IQCK: variants seen among roughly 807,000 people sequenced by gnomAD.
The protein encoded by IQCK is IQ motif containing K.
A neutral mutation model predicts 28.1 loss-of-function variants in IQCK; 29 were observed. The observed-to-expected ratio is 1.03, with a 90% CI of 0.77 to 1.41. IQCK has a LOEUF of 1.41. IQCK is among the 40% of genes most tolerant of loss of function. IQCK has a pLI of 0.00. For missense variants in IQCK, 359 were observed against 314.7 expected, an observed-to-expected ratio of 1.14 and a Z score of -1.07; for synonymous variants, 113 against 115.1, an observed-to-expected ratio of 0.98 and a Z score of 0.12.
intron 9 of IQCK, among the ~76,000 whole-genome samples, chr16:19,848,543 G>T (rs970388078): frequency 1.1e-4 from 16 of 152,166 alleles, no homozygotes; most frequent in African/African-American, 3.9e-4. Context: ...CAGCAATTCA[G>T]CTTATATTCC....
At chr16:19,747,003 G>A (rs2054921120) in intron 4 of IQCK, among the ~76,000 whole-genome samples, 1 of 152,182 alleles carries the variant, frequency 6.6e-6, no homozygotes, top group African/African-American at 2.4e-5. Flanking sequence ...CATTGGTCAG[G>A]CATCGTGGCT....
At chr16:19,779,045 C>T (rs951537008) in intron 6 of IQCK, among the ~76,000 whole-genome samples, 4 of 152,134 alleles carry the variant, frequency 2.6e-5, no homozygotes, top group African/African-American at 9.7e-5. Context: ...TGCAGTGGTG[C>T]GATCATAGCT....
chr16:19,765,493 G>A (rs186693102), intron 6 of IQCK, among the ~76,000 whole-genome samples: 1 of 151,992 alleles, frequency 6.6e-6, no homozygotes, highest in African/African-American at 2.4e-5. Context: ...AGCCGAGATC[G>A]CACCACTGTA....
chr16:19,750,827 A>T (rs1243671630), intron 4 of IQCK, among the ~76,000 whole-genome samples: 1 of 152,198 alleles, frequency 6.6e-6, no homozygotes, highest in Non-Finnish European at 1.5e-5. Flanking sequence ...ACAATGAAAG[A>T]TAACAATTGA....
intron 6 of IQCK, among the ~76,000 whole-genome samples, chr16:19,779,173 G>C (rs1335094883): frequency 6.6e-6 from 1 of 152,136 alleles, no homozygotes; most frequent in Non-Finnish European, 1.5e-5. Context: ...AAAAAGATCA[G>C]TCCGGCAGCT....
chr16:19,742,474 A>C (rs1290158940), intron 4 of IQCK, among the ~76,000 whole-genome samples: 1 of 150,392 alleles, frequency 6.6e-6, no homozygotes, highest in African/African-American at 2.5e-5. Flanking sequence ...TGATCTGCAC[A>C]ACAGATTCAC....
rs182622150 is a variant in IQCK, at chr16:19,791,716, T to C, written c.690+2794T>C. On this transcript the variant is annotated intron_variant, in intron 7 of 7. Coordinates refer to ENST00000564186, the Ensembl canonical transcript of IQCK. The stretch of plus-strand genomic sequence containing the variant: ...GCTGCCATATAAACAGATGTCAAAG[T>C]GGCTCGAAATTTAACTGTGGCTATA... Among the ~76,000 whole-genome samples the C allele has an allele frequency of 1.3e-3, 192 of 142,498 alleles. 2 individuals carry two copies. Among genetic ancestry groups the C allele is most frequent in the Non-Finnish European group, 2.2e-3 (151 of 67,794 alleles). The allele number at this position is 142,498 out of a possible 152,430, so 93.5% of individuals were successfully genotyped here. A position where few individuals can be genotyped will look rare whatever the true frequency, so the allele number is the denominator to read the frequency against.
exon 10 of IQCK, chr16:19,857,117 CA>C (rs1384458499): frequency 5.4e-6 from 1 of 185,456 alleles, no homozygotes; most frequent in African/African-American, 2.4e-5. Flanking sequence ...GTCTAAGTCC[CA>C]AAGTATTATA....
chr16:19,831,659 TA>T (rs60105902), downstream of IQCK, among the ~76,000 whole-genome samples: 1,414 of 140,400 alleles, frequency 0.01, 7 homozygotes, highest in African/African-American at 0.021. Context: ...TCAACTTCAT[TA>T]AAAAAAAAAA....
At chr16:19,831,754 C>T (rs2056235815), downstream of IQCK, among the ~76,000 whole-genome samples, 1 of 151,754 alleles carries the variant, frequency 6.6e-6, no homozygotes, top group Non-Finnish European at 1.5e-5. Flanking sequence ...CCGGCATTTA[C>T]AGTACAAAGA....
intron 4 of IQCK, among the ~76,000 whole-genome samples, chr16:19,744,636 A>T (rs1424010282): frequency 1.3e-5 from 2 of 152,226 alleles, no homozygotes; most frequent in Non-Finnish European, 2.9e-5. Flanking sequence ...AGTGAAATAG[A>T]TTTATTTAAC....
chr16:19,729,064 G>A (rs115378375), intron 1 of IQCK, among the ~76,000 whole-genome samples: 2 of 152,204 alleles, frequency 1.3e-5, no homozygotes, highest in Non-Finnish European at 2.9e-5. Context: ...AACTAATACT[G>A]GCCATGAGCA....
intron 7 of IQCK, among the ~76,000 whole-genome samples, chr16:19,821,642 C>T (rs1011204771): frequency 3.3e-5 from 5 of 152,068 alleles, no homozygotes; most frequent in Non-Finnish European, 7.4e-5. Context: ...TGCAGTGAGG[C>T]GAGATCACGC....
intron 9 of IQCK, among the ~76,000 whole-genome samples, chr16:19,852,495 A>G (rs1298523113): frequency 6.6e-6 from 1 of 152,044 alleles, no homozygotes; most frequent in Admixed American, 6.5e-5. Flanking sequence ...GACTATCATG[A>G]TAGCTGTTCT....
chr16:19,771,258 A>T (rs2151717993), intron 6 of IQCK, among the ~76,000 whole-genome samples: 1 of 152,144 alleles, frequency 6.6e-6, no homozygotes, highest in African/African-American at 2.4e-5. Context: ...CGGCCAGCTA[A>T]TTTTTGTATT....
chr16:19,756,373 C>A (rs562481776), intron 4 of IQCK, among the ~76,000 whole-genome samples: 14 of 152,124 alleles, frequency 9.2e-5, no homozygotes, highest in Admixed American at 6.5e-5. Flanking sequence ...GCCACTGAGA[C>A]TTGAAGTTTA....
chr16:19,782,117 A>G (rs1040886567), intron 6 of IQCK, among the ~76,000 whole-genome samples: 1 of 152,206 alleles, frequency 6.6e-6, no homozygotes, highest in Non-Finnish European at 1.5e-5. Context: ...ATACTGGTGT[A>G]TTGCAAAACT....
chr16:19,782,810 T>A (rs1327043376), intron 6 of IQCK, among the ~76,000 whole-genome samples: 5 of 152,208 alleles, frequency 3.3e-5, no homozygotes, highest in Admixed American at 3.3e-4. Flanking sequence ...TCAGATTTTC[T>A]TATTATGTAT....
At chr16:19,780,859 C>T (rs1197286325) in intron 6 of IQCK, among the ~76,000 whole-genome samples, 1 of 152,208 alleles carries the variant, frequency 6.6e-6, no homozygotes, top group Non-Finnish European at 1.5e-5. Context: ...GCATATATTA[C>T]TATATCAGCA....
Sources: gnomAD v4.1 joint callset for allele counts (sites outside exome capture counted in the v4.1 genomes callset) on GRCh38, gnomAD v4.1.1 for gene constraint, MANE v1.5 for transcripts, NCBI Gene and HGNC (gene_info 2026-07-23, HGNC 2026-07-21) for gene names.